ZNF536: variants seen among roughly 807,000 people sequenced by gnomAD.
ZNF536 encodes the protein zinc finger protein 536.
In ZNF536, 13 loss-of-function variants were observed where a neutral mutation model predicts 84.5. The observed-to-expected ratio is 0.15, with a 90% confidence interval of 0.10 to 0.24. The LOEUF is 0.24. Among genes scored for constraint, ZNF536 ranks in the 10% least tolerant of loss-of-function variants. The probability of loss-of-function intolerance (pLI) is 1.00; values close to 1 mark genes in which losing one functional copy is unlikely to be tolerated. For missense variants in ZNF536, 1,536 were observed against 1,747.5 expected, an observed-to-expected ratio of 0.88 and a Z score of 2.16; for synonymous variants, 811 against 742.5, an observed-to-expected ratio of 1.09 and a Z score of -1.50.
At chr19:30,249,941 A>T (rs776170474) in intron 1 of ZNF536, among the ~76,000 whole-genome samples, 49 of 152,330 alleles carry the variant, frequency 3.2e-4, no homozygotes, top group Admixed American at 6.5e-4. Flanking sequence ...CTCTCTGGGC[A>T]AAGGCAGCAC....
At chr19:30,452,701 G>A (rs2052661313) in intron 2 of ZNF536, among the ~76,000 whole-genome samples, 1 of 152,122 alleles carries the variant, frequency 6.6e-6, no homozygotes, top group African/African-American at 2.4e-5. Flanking sequence ...TTGATGGCAG[G>A]GGTGGAGAAA....
chr19:30,406,931 G>A (rs947957220), intron 1 of ZNF536, among the ~76,000 whole-genome samples: 2 of 152,222 alleles, frequency 1.3e-5, no homozygotes, highest in African/African-American at 4.8e-5. Flanking sequence ...TAGACAGAGG[G>A]CATCCCCAAC....
chr19:30,487,398 C>T (rs1289044436), intron 2 of ZNF536, among the ~76,000 whole-genome samples: 5 of 152,072 alleles, frequency 3.3e-5, no homozygotes, highest in African/African-American at 7.2e-5. Context: ...GGAAACACAA[C>T]TGAATGTGGA....
intron 2 of ZNF536, among the ~76,000 whole-genome samples, chr19:30,284,744 C>T (rs2045570983): frequency 6.6e-6 from 1 of 152,312 alleles, no homozygotes; most frequent in East Asian, 1.9e-4. Flanking sequence ...TGTTAACTCA[C>T]CCTCGGTTGT....
At chr19:30,508,247 A>G (rs892974400) in intron 2 of ZNF536, among the ~76,000 whole-genome samples, 3 of 152,196 alleles carry the variant, frequency 2.0e-5, no homozygotes, top group African/African-American at 7.2e-5. Context: ...AAAAAGGGCT[A>G]TGAGAGGTAG....
intron 2 of ZNF536, among the ~76,000 whole-genome samples, chr19:30,309,422 G>A (rs547172658): frequency 6.6e-6 from 1 of 152,202 alleles, no homozygotes; most frequent in African/African-American, 2.4e-5. Flanking sequence ...CGTTGCCTCA[G>A]ATAACTGTTT....
chr19:30,689,454 G>C (rs377261746), intron 1 of ZNF536, among the ~76,000 whole-genome samples: 1 of 152,182 alleles, frequency 6.6e-6, no homozygotes, highest in Admixed American at 6.5e-5. Flanking sequence ...GCTCATTGCT[G>C]CTTTCCTTTT....
intron 2 of ZNF536, among the ~76,000 whole-genome samples, chr19:30,464,785 G>A (rs2053310271): frequency 6.6e-6 from 1 of 152,090 alleles, no homozygotes; most frequent in Non-Finnish European, 1.5e-5. Flanking sequence ...GTGCCCAGGA[G>A]GGAGAGGGCA....
chr19:30,659,708 T>C (rs940823006), intron 1 of ZNF536, among the ~76,000 whole-genome samples: 5 of 152,118 alleles, frequency 3.3e-5, no homozygotes, highest in African/African-American at 1.2e-4. Flanking sequence ...GAGAACAGTA[T>C]GGGGGAAACA....
chr19:30,381,337 C>T (rs549744298), intron 1 of ZNF536, among the ~76,000 whole-genome samples: 81 of 152,246 alleles, frequency 5.3e-4, no homozygotes, highest in Middle Eastern at 3.4e-3. Flanking sequence ...AGGGAGAAGG[C>T]AGGGGTGGAT....
exon 2 of ZNF536, chr19:30,711,880 A>G (rs1006306038): frequency 6.6e-6 from 1 of 152,230 alleles, no homozygotes. Context: ...GTGAGCAATT[A>G]AAATTTAGGT....
intron 1 of ZNF536, among the ~76,000 whole-genome samples, chr19:30,243,563 A>C (rs2144913823): frequency 6.6e-6 from 1 of 152,348 alleles, no homozygotes; most frequent in South Asian, 2.1e-4. Context: ...TTCCATAATA[A>C]ATAGCAAGTA....
chr19:30,698,277 G>A (rs2051746946), intron 1 of ZNF536, among the ~76,000 whole-genome samples: 2 of 149,968 alleles, frequency 1.3e-5, no homozygotes. Flanking sequence ...GGGTGACAGA[G>A]CAAGACTCAG....
chr19:30,500,918 C>A (rs1214493115), intron 2 of ZNF536, among the ~76,000 whole-genome samples: 1 of 152,184 alleles, frequency 6.6e-6, no homozygotes, highest in Non-Finnish European at 1.5e-5. Context: ...AGGAGTGTAC[C>A]AAGCTCTCTT....
intron 2 of ZNF536, among the ~76,000 whole-genome samples, chr19:30,465,024 C>A (rs1202135901): frequency 6.6e-6 from 1 of 152,118 alleles, no homozygotes; most frequent in African/African-American, 2.4e-5. Flanking sequence ...TCAGCCCAGG[C>A]AACAGAGTGG....
At chr19:30,596,264 G>A (rs538421047) in intron 1 of ZNF536, among the ~76,000 whole-genome samples, 24 of 150,744 alleles carry the variant, frequency 1.6e-4, no homozygotes, top group African/African-American at 5.3e-4. Context: ...GAGAGGGAGA[G>A]GGGAAAAAAA....
chr19:30,316,656 G>A (rs1214367088), intron 2 of ZNF536, among the ~76,000 whole-genome samples: 2 of 152,168 alleles, frequency 1.3e-5, no homozygotes, highest in Non-Finnish European at 2.9e-5. Flanking sequence ...GGGCATGAGA[G>A]GGTGAGGCCT....
chr19:30,260,683 C>G (rs543129930), intron 1 of ZNF536, among the ~76,000 whole-genome samples: 2 of 152,316 alleles, frequency 1.3e-5, no homozygotes, highest in South Asian at 4.1e-4. Context: ...GGCTGATGGC[C>G]TTCTGTTAAG....
chr19:30,258,788 G>A (rs541400697), intron 1 of ZNF536, among the ~76,000 whole-genome samples: 130 of 151,834 alleles, frequency 8.6e-4, no homozygotes, highest in Non-Finnish European at 1.4e-3. Context: ...CATGATCTCC[G>A]TTCACTGCAA....
Sources: gnomAD v4.1 joint callset for allele counts (sites outside exome capture counted in the v4.1 genomes callset) on GRCh38, gnomAD v4.1.1 for gene constraint, MANE v1.5 for transcripts, NCBI Gene and HGNC (gene_info 2026-07-23, HGNC 2026-07-21) for gene names.